WIZ: variants seen among roughly 807,000 people sequenced by gnomAD.
WIZ encodes protein Wiz.
In WIZ, 25 loss-of-function variants were observed where a neutral mutation model predicts 140.2. The ratio of observed to expected loss-of-function variants is 0.18; its 90% CI spans 0.13 to 0.25. The LOEUF is 0.25. WIZ is among the 10% of genes least tolerant of loss of function. WIZ has a pLI of 1.00. For missense variants in WIZ, 2,231 were observed against 2,632.6 expected (o/e 0.85, Z 3.34); for synonymous variants, 1,125 against 1,154.3 (o/e 0.97, Z 0.51).
Position 15,429,751 on chromosome 19 carries a change from G to C in WIZ, c.3250C>G (p.His1084Asp). The C allele has an allele frequency of 6.7e-7, 1 of 1,488,102 alleles. No homozygotes were observed. Among genetic ancestry groups the C allele is most frequent in the Middle Eastern group, 1.8e-4 (1 of 5,702 alleles). The allele number at this position is 1,488,102 out of a possible 1,614,324, so 92.2% of individuals were successfully genotyped here. A position where few individuals can be genotyped will look rare whatever the true frequency, so the allele number is the denominator to read the frequency against. ...PPGFSAKGLG[H>D]PPSSPLLKKT... The stretch of plus-strand genomic sequence containing the variant: ...TTGAGGAGTGGAGAGCTGGGCGGGT[G>C]GCCCAGGCCCTTGGCCGAGAAGCCG... The change falls in exon 7 of 13, where the codon CAC becomes GAC. Residue 1084 changes from histidine to aspartate, a missense_variant. Around this residue, in one of 15 missense-constraint regions of WIZ, gnomAD observed 163 missense variants for 166.8 expected, o/e 0.98. Transcript: ENST00000673675.
At chr19:15,425,147 G>A in intron 10 of WIZ, 94 bp downstream of exon 10, 3 of 1,529,142 alleles carry the variant, frequency 2.0e-6, no homozygotes, top group East Asian at 2.4e-5. Flanking sequence ...AGCCATGGGG[G>A]CCCCACTTGG....
rs1297335283 is a variant in WIZ at position 15,440,613 on chromosome 19, G to A, written c.381C>T (p.His127=). 3 of 1,535,132 alleles carry A rather than the reference G, an allele frequency of 2.0e-6. No individual in the cohort carries two copies. The highest frequency in any genetic ancestry group is 2.4e-5 in the East Asian group (1 of 40,882). ...CCTCCCCAGCCTCCTGGACAAGGGGGTGCTCCCAGGGCCCCCGGCCATCAG... is the reference window on the plus strand; with the variant it reads ...CCTCCCCAGCCTCCTGGACAAGGGGATGCTCCCAGGGCCCCCGGCCATCAG... The part of the protein sequence containing the change: ...GTPDGRGPWE[H]PLVQEAGEGI... The change falls in exon 4 of 13, where the codon CAC becomes CAT. Residue 127 remains histidine (H), a synonymous_variant. Coordinates refer to ENST00000673675, the MANE Select transcript of WIZ (RefSeq NM_001371589.1). This position sits in a 1 kb window ranked among gnomAD's most constrained non-coding sequence, Gnocchi z 6.2.
intron 5 of WIZ, 46 bp downstream of exon 5, chr19:15,436,760 C>A: frequency 6.7e-7 from 1 of 1,496,952 alleles, no homozygotes; most frequent in Non-Finnish European, 8.9e-7. Flanking sequence ...TGCTCTGGGC[C>A]CCTGGGAAGG....
rs748327529 is a variant in WIZ, at chr19:15,428,165, G to A, written c.3759C>T (p.Ala1253=). Residue 1253 remains alanine (A), a synonymous_variant, in exon 8 of 13, where the codon GCC becomes GCT. Transcript: ENST00000673675. The surrounding 1 kb of genome is among the most constrained non-coding windows in gnomAD (Gnocchi z 6.4). The part of the protein sequence containing the change: ...SPWGKQDLSA[A]AAAGIFWASD... ...AGGCCCAGAAAATGCCGGCGGCTGC[G>A]GCGGCCGAGAGGTCCTGCTTCCCCC... The A allele has an allele frequency of 2.3e-5, 35 of 1,534,402 alleles. No individual in the cohort carries two copies. The African/African-American group carries it at 3.0e-4, about 13-fold the overall frequency.
At chr19:15,432,056 G>A (rs990478493) in intron 5 of WIZ, among the ~76,000 whole-genome samples, 1 of 152,198 alleles carries the variant, frequency 6.6e-6, no homozygotes, top group South Asian at 2.1e-4. Flanking sequence ...CAGAAGCAAA[G>A]AGTAGGCGCT....
At position 15,430,057 on chromosome 19, in the gene WIZ, C is replaced by A. The variant is rs1440958137; in HGVS notation, c.2944G>T (p.Ala982Ser). Residue 982 changes from alanine (A) to serine (S), a missense_variant, in exon 7 of 13, where the codon GCC (alanine) becomes TCC (serine). Ala to Ser is a moderately conservative substitution (Grantham distance 99, BLOSUM62 1). This residue lies in a region of WIZ where 24 missense variants were observed against 61.2 expected (regional missense o/e 0.39). Coordinates refer to ENST00000673675, the MANE Select transcript of WIZ (RefSeq NM_001371589.1). ...AGGCCCTTTCGGGTCTCAAAGCAGG[C>A]ACCGCAGACCTCGCAGGTGGTCAGG... ...QSLTTCEVCG[A>S]CFETRKGLSS... 2 of 1,533,630 alleles carry A rather than the reference C, an allele frequency of 1.3e-6. No homozygotes were observed. Among genetic ancestry groups the A allele is most frequent in the Admixed American group, 3.9e-5 (2 of 50,888 alleles).
rs368367066 is a variant in WIZ at position 15,425,686 on chromosome 19, G to A, written c.4449C>T (p.His1483=). ...CCATCTGCCGCAGGTGTGAGCGCGC[G>A]TGACTCGACAGGCCCTTGCGGTTCT... The part of the protein sequence containing the change: ...FFENRKGLSS[H]ARSHLRQMGV... The change falls in exon 10 of 13, where the codon CAC becomes CAT. Residue 1483 remains histidine (H), a synonymous_variant. Transcript: ENST00000673675. The A allele has an allele frequency of 2.8e-5, 45 of 1,613,216 alleles. No homozygotes were observed. The highest frequency in any genetic ancestry group is 6.7e-5 in the East Asian group (3 of 44,846).
At position 15,440,668 on chromosome 19, in the gene WIZ, G is replaced by A; in HGVS notation, c.326C>T (p.Pro109Leu). 1.3e-6 allele frequency: 2 copies of A among 1,519,892 alleles called. No homozygotes were observed. Among genetic ancestry groups the A allele is most frequent in the South Asian group, 2.4e-5 (2 of 83,604 alleles). The allele number at this position is 1,519,892 out of a possible 1,614,324, so 94.2% of individuals were successfully genotyped here. A position where few individuals can be genotyped will look rare whatever the true frequency, so the allele number is the denominator to read the frequency against. Residue 109 changes from proline (P) to leucine (L), a missense_variant, in exon 4 of 13, where the codon CCC becomes CTC. This residue lies in a region of WIZ where 307 missense variants were observed against 294.1 expected (regional missense o/e 1.04). Transcript: ENST00000673675. The surrounding 1 kb of genome is among the most constrained non-coding windows in gnomAD (Gnocchi z 6.2). ...ACCTGGGAAATGGCCCAGGAGATGG[G>A]GTGGTGGGGAGCCCGGCCGGAAGTC... is the stretch of plus-strand genomic sequence containing the variant. ...SLDFRPGSPP[P>L]HLLGHFPGTP... is the part of the protein sequence containing the mutation.
At chr19:15,432,498 C>CGGCGGT (rs1187158699) in intron 5 of WIZ, 60 of 894,140 alleles carry the variant, frequency 6.7e-5, no homozygotes, top group Admixed American at 2.8e-4. Flanking sequence ...CGTCCCGCGG[C>CGGCGGT]GGCGGTGGCG....
chr19:15,423,583 C>A (rs967939437), intron 12 of WIZ, among the ~76,000 whole-genome samples: 6 of 152,150 alleles, frequency 3.9e-5, no homozygotes, highest in African/African-American at 1.4e-4. Flanking sequence ...ACCAAGCCCC[C>A]CACCTCCTCC....
chr19:15,427,128 G>A lies in WIZ; in HGVS notation c.4220C>T (p.Ala1407Val). Residue 1407 changes from alanine to valine, a missense_variant, in exon 9 of 13, where the codon GCA (alanine) becomes GTA (valine). Coordinates refer to ENST00000673675, the MANE Select transcript of WIZ (RefSeq NM_001371589.1). This position sits in a 1 kb window ranked among gnomAD's most constrained non-coding sequence, Gnocchi z 6.4. ...CTTCAGCTTCTTGGGCAAGGAGGGT[G>A]CAGCCAGGCCTGGGAACATCTTTCG... ...TARKMFPGLA[A>V]PSLPKKLKPE... 1 of 1,614,234 alleles carries A rather than the reference G, an allele frequency of 6.2e-7. No homozygotes were observed. Among genetic ancestry groups the A allele is most frequent in the Non-Finnish European group, 8.5e-7 (1 of 1,180,036 alleles).
At position 15,436,977 on chromosome 19, in the gene WIZ, T is replaced by C; in HGVS notation, c.2569A>G (p.Ile857Val). ...NWELTVSPINILQELLATSAA... is the reference protein window; with the variant it reads ...NWELTVSPINVLQELLATSAA... ...GAGGTGGCCAGCAGCTCCTGCAGGA[T>C]GTTGATGGGTGAGACAGTGAGCTCC... The change falls in exon 5 of 13, where the codon ATC (isoleucine) becomes GTC (valine). Residue 857 changes from isoleucine to valine, a missense_variant. This residue lies in a region of WIZ where 118 missense variants were observed against 209.1 expected (regional missense o/e 0.56). Transcript: ENST00000673675. 1 of 1,613,526 alleles carries C rather than the reference T, an allele frequency of 6.2e-7. No homozygotes were observed. The highest frequency in any genetic ancestry group is 1.7e-4 in the Middle Eastern group (1 of 6,056).
At chr19:15,423,664 G>A (rs1180580428) in intron 12 of WIZ, among the ~76,000 whole-genome samples, 1 of 152,214 alleles carries the variant, frequency 6.6e-6, no homozygotes, top group African/African-American at 2.4e-5. Flanking sequence ...CTCAAGACGT[G>A]GCTTTGACTC....
chr19:15,430,579 T>C (rs980593397), intron 6 of WIZ, among the ~76,000 whole-genome samples: 1 of 152,174 alleles, frequency 6.6e-6, no homozygotes, highest in African/African-American at 2.4e-5. Context: ...CCAACTTGAA[T>C]GGCCCTCAAG....
rs763762052 is a variant in WIZ, at chr19:15,442,761, G to A, written c.206-13C>T. On this transcript the variant is annotated splice_polypyrimidine_tract_variant and intron_variant, in intron 2 of 12. Transcript: ENST00000673675. This position sits in a 1 kb window ranked among gnomAD's most constrained non-coding sequence, Gnocchi z 5.5. ...TGGGGCTGCCCGTCTGCAACAGAGA[G>A]GGGAGACCCTGAGGGGCTGGGGTCC... 16 of 1,231,590 alleles carry A rather than the reference G, an allele frequency of 1.3e-5. No homozygotes were observed. Among genetic ancestry groups the A allele is most frequent in the Non-Finnish European group, 1.6e-5 (16 of 987,698 alleles). 76.3% of individuals were successfully genotyped at this position (1,231,590 alleles called of 1,614,324 possible).
At chr19:15,441,648 G>C (rs1227069405) in intron 3 of WIZ, among the ~76,000 whole-genome samples, 1 of 152,054 alleles carries the variant, frequency 6.6e-6, no homozygotes, top group East Asian at 1.9e-4. Context: ...CCTCCATCAG[G>C]GGATGCCAAT....
chr19:15,437,877 C>A (rs1443717826), intron 4 of WIZ, among the ~76,000 whole-genome samples: 1 of 152,156 alleles, frequency 6.6e-6, no homozygotes, highest in African/African-American at 2.4e-5. Flanking sequence ...GACTTTGTCT[C>A]AGCTTCCCCA....
chr19:15,436,794 C>T lies in WIZ; in HGVS notation c.2740+12G>A. ...GGATGGGGCTCCAGCACAGCCCGTC[C>T]CCTCCCCTTACCATCTCCATAGGCT... is the stretch of plus-strand genomic sequence containing the variant. On this transcript the variant is annotated intron_variant, in intron 5 of 12. Transcript: ENST00000673675. 6.4e-7 allele frequency: 1 copy of T among 1,565,056 alleles called. No homozygotes were observed. The highest frequency in any genetic ancestry group is 1.2e-5 in the South Asian group (1 of 83,652).
rs975923741 is a variant in WIZ, at chr19:15,428,530, G to A, written c.3416-22C>T. The A allele has an allele frequency of 4.6e-6, 7 of 1,535,422 alleles. No individual in the cohort carries two copies. Among genetic ancestry groups the A allele is most frequent in the East Asian group, 2.4e-5 (1 of 40,892 alleles). ...AAAGCTGCGGAGACAAAACACAGGG[G>A]GGGTTCACGGCCGCCACCTTGGCCG... On this transcript the variant is annotated intron_variant, in intron 7 of 12. Transcript: ENST00000673675. The surrounding 1 kb of genome is among the most constrained non-coding windows in gnomAD (Gnocchi z 6.4).
Sources: allele counts gnomAD v4.1 joint callset (sites outside exome capture counted in the v4.1 genomes callset), GRCh38; gene constraint gnomAD v4.1.1; regional missense constraint gnomAD v4.1.1; non-coding constraint Gnocchi (gnomAD v3.1); transcripts MANE v1.5; gene names NCBI Gene and HGNC (gene_info 2026-07-23, HGNC 2026-07-21).